The following PSG2 variants were observed in gnomAD, a reference collection of about 807,000 sequenced individuals.
The protein encoded by PSG2 is pregnancy specific beta-1-glycoprotein 2.
In PSG2, 49 loss-of-function variants were observed where a neutral mutation model predicts 36.2. The observed-to-expected ratio is 1.35, with a 90% CI of 1.08 to 1.72. The LOEUF is 1.72. Among genes scored for constraint, PSG2 ranks in the 40% most tolerant of loss-of-function variants. The probability of loss-of-function intolerance (pLI) is 0.00; values close to 1 mark genes in which losing one functional copy is unlikely to be tolerated. For synonymous variants in PSG2, 261 were observed against 155.6 expected (o/e 1.68, Z -5.04); for missense variants, 605 against 407.2 (o/e 1.49, Z -4.18).
At chr19:43,079,428 G>T (rs1197171233) in intron 2 of PSG2, among the ~76,000 whole-genome samples, 2 of 151,432 alleles carry the variant, frequency 1.3e-5, no homozygotes, top group Admixed American at 1.3e-4. Flanking sequence ...GGACCTCCTA[G>T]GATTCTGCAT....
At chr19:43,079,243 A>C (rs1417680458) in intron 2 of PSG2, among the ~76,000 whole-genome samples, 1 of 151,252 alleles carries the variant, frequency 6.6e-6, no homozygotes, top group East Asian at 1.9e-4. Flanking sequence ...GACGTCAGAG[A>C]CCCCAGGGAC....
chr19:43,068,258 G>T (rs1228461096), intron 4 of PSG2, among the ~76,000 whole-genome samples: 1 of 151,242 alleles, frequency 6.6e-6, no homozygotes, highest in Non-Finnish European at 1.5e-5. Flanking sequence ...AACCTGGGGA[G>T]ACGCTGTGTG....
intron 4 of PSG2, among the ~76,000 whole-genome samples, chr19:43,070,026 G>A (rs1967794153): frequency 6.6e-6 from 1 of 151,754 alleles, no homozygotes; most frequent in South Asian, 2.1e-4. Context: ...ATGAACAAAA[G>A]ATTAAAATGG....
At position 43,071,860 on chromosome 19, in the gene PSG2, C is replaced by G. The variant is rs1058100; in HGVS notation, c.804G>C (p.Pro268=). Residue 268 remains proline (P), a synonymous_variant, in exon 4 of 6, where the codon CCG becomes CCC. Coordinates refer to ENST00000406487, the MANE Select transcript of PSG2 (RefSeq NM_031246.4). ...YLSCFANSNP[P]AQYSWTINGK... ...CATTAATTGTCCAAGAATACTGTGC[C>G]GGTGGGTTAGAGTTCGCGAAGCAAG... is the stretch of plus-strand genomic sequence containing the variant. 1 of 1,613,070 alleles carries G rather than the reference C, an allele frequency of 6.2e-7. No individual in the cohort carries two copies. Among genetic ancestry groups the G allele is most frequent in the Admixed American group, 1.7e-5 (1 of 59,956 alleles).
chr19:43,076,404 A>T (rs1967896568), intron 2 of PSG2, among the ~76,000 whole-genome samples: 1 of 151,804 alleles, frequency 6.6e-6, no homozygotes, highest in Non-Finnish European at 1.5e-5. Context: ...GCAGGTGAGG[A>T]CGATGTGGAC....
rs1243999354 is a variant in PSG2, at chr19:43,079,126, G to A, written c.430+1755C>T. Among the ~76,000 whole-genome samples, 7 of 151,798 alleles carry A rather than the reference G, an allele frequency of 4.6e-5. No homozygotes were observed. In the East Asian group the frequency reaches 5.8e-4, roughly 13 times the overall value. On this transcript the variant is annotated intron_variant, in intron 2 of 5. Coordinates refer to ENST00000406487, the MANE Select transcript of PSG2 (RefSeq NM_031246.4). ...AGGCCTAGGTGTGAGGGAAGAAGCT[G>A]TGCAGGACAGGGCTTGCCAGTCAGA... is the stretch of plus-strand genomic sequence containing the variant.
chr19:43,072,462 T>C, intron 3 of PSG2: 1 of 1,611,684 alleles, frequency 6.2e-7, no homozygotes, highest in Middle Eastern at 2.0e-4. Context: ...ATGAGGATCC[T>C]GTTTTCAATG....
rs184849510 is a variant in PSG2 at position 43,075,838 on chromosome 19, A to C, written c.431-206T>G. Among the ~76,000 whole-genome samples, 64 of 151,718 alleles carry C rather than the reference A, an allele frequency of 4.2e-4. 2 individuals are homozygous for C. Among genetic ancestry groups the C allele is most frequent in the African/African-American group, 1.5e-3 (62 of 41,148 alleles). On this transcript the variant is annotated intron_variant, in intron 2 of 5. Coordinates refer to ENST00000406487, the MANE Select transcript of PSG2 (RefSeq NM_031246.4). ...TGCCTGCTTTATGTGGGAGAAGCAC[A>C]GACTTTCTCAGGTGTGTATTGAGCA...
rs536871737 is a variant in PSG2 at position 43,081,190 on chromosome 19, G to A, written c.121C>T (p.Gln41Ter). The A allele has an allele frequency of 2.5e-6, 4 of 1,612,690 alleles. No homozygotes were observed. The highest frequency in any genetic ancestry group is 1.7e-4 in the Middle Eastern group (1 of 6,058). Residue 41 changes from glutamine to a stop codon, truncating the protein, a stop_gained, in exon 2 of 6, where the codon CAG becomes TAG. Transcript: ENST00000406487. LOFTEE classifies it high-confidence loss of function. The part of the protein sequence containing the change: ...PTTAQVTIEA[Q>*]PPKVSEGKDV... ...TTCCCCTCGGAAACTTTTGGTGGCT[G>A]GGCTTCAATCGTGACTTGGGCAGTG...
intron 2 of PSG2, among the ~76,000 whole-genome samples, chr19:43,077,979 C>G (rs1307384240): frequency 1.3e-5 from 2 of 151,722 alleles, no homozygotes; most frequent in East Asian, 3.9e-4. Context: ...AATGTGAGCT[C>G]TATAGCAGGT....
chr19:43,075,243 C>T, intron 3 of PSG2, 111 bp downstream of exon 3: 2 of 1,603,912 alleles, frequency 1.2e-6, no homozygotes, highest in South Asian at 1.1e-5. Context: ...GCTTTGATGC[C>T]TAGGGGTAAA....
rs527454032 is a variant in PSG2, at chr19:43,074,083, A to G, written c.709+1271T>C. On this transcript the variant is annotated intron_variant, in intron 3 of 5. Coordinates refer to ENST00000406487, the MANE Select transcript of PSG2 (RefSeq NM_031246.4). ...CTCGTTTATTTTTTAAGGCTTTGGG[A>G]TGTGAGAAAGGCTGATTGCTATTTT... Among the ~76,000 whole-genome samples, 263 of 151,694 alleles carry G rather than the reference A, an allele frequency of 1.7e-3. 5 individuals carry two copies. The South Asian group carries it at 0.039, about 23-fold the overall frequency.
intron 2 of PSG2, 83 bp downstream of exon 2, chr19:43,080,798 A>C: frequency 6.2e-7 from 1 of 1,610,522 alleles, no homozygotes; most frequent in Non-Finnish European, 8.5e-7. Context: ...ACACAGGCAC[A>C]GTCTAGGCCT....
rs559695165 is a variant in PSG2, at chr19:43,076,488, G to T, written c.431-856C>A. 4.0e-5 allele frequency among the ~76,000 whole-genome samples: 6 copies of T among 151,874 alleles called. No individual in the cohort carries two copies. The South Asian group carries it at 1.2e-3, about 32-fold the overall frequency. On this transcript the variant is annotated intron_variant, in intron 2 of 5. Transcript: ENST00000406487. ...GAAAGGGTGAACATGAACTGATGAT[G>T]GAAGTCTGGCCCTCATGGACCATAT... is the stretch of plus-strand genomic sequence containing the variant.
chr19:43,069,397 A>G (rs12981201), intron 4 of PSG2, among the ~76,000 whole-genome samples: 97 of 151,882 alleles, frequency 6.4e-4, no homozygotes, highest in Non-Finnish European at 1.3e-3. Context: ...ATGACTAAAT[A>G]GACACAGAGC....
At chr19:43,069,234 A>G (rs1031742494) in intron 4 of PSG2, among the ~76,000 whole-genome samples, 4 of 151,688 alleles carry the variant, frequency 2.6e-5, no homozygotes, top group Non-Finnish European at 5.9e-5. Flanking sequence ...ATTGAAGGAC[A>G]TTTTGTTTTC....
In PSG2 at chr19:43,070,023, A is replaced by G. The variant is rs989165670; in HGVS notation, c.964+1677T>C. On this transcript the variant is annotated intron_variant, in intron 4 of 5. Transcript: ENST00000406487. ...CGAAAACCCAATTAAAAAATGAACA[A>G]AAGATTAAAATGGAGTTTTCTCCAA... is the stretch of plus-strand genomic sequence containing the variant. 1.1e-4 allele frequency among the ~76,000 whole-genome samples: 17 copies of G among 151,898 alleles called. 1 individual carries two copies. The highest frequency in any genetic ancestry group is 7.2e-4 in the Admixed American group (11 of 15,258).
intron 2 of PSG2, among the ~76,000 whole-genome samples, chr19:43,080,088 C>A (rs1376593123): frequency 6.6e-6 from 1 of 151,814 alleles, no homozygotes; most frequent in Non-Finnish European, 1.5e-5. Flanking sequence ...ACACAAACAG[C>A]ATTTATTATT....
At chr19:43,071,612 G>T (rs10425485) in intron 4 of PSG2, 88 bp downstream of exon 4, 1 of 1,611,032 alleles carries the variant, frequency 6.2e-7, no homozygotes, top group East Asian at 2.2e-5. Context: ...ACACAGGCTG[G>T]GAATAAAAAT....
Sources: gnomAD v4.1 joint callset for allele counts (sites outside exome capture counted in the v4.1 genomes callset) on GRCh38, gnomAD v4.1.1 for gene constraint, MANE v1.5 for transcripts, NCBI Gene and HGNC (gene_info 2026-07-23, HGNC 2026-07-21) for gene names.